The following ACOT6 variants were observed in gnomAD, a reference collection of about 807,000 sequenced individuals.
ACOT6 encodes acyl-coenzyme A thioesterase 6.
Under a neutral mutation model 12.3 loss-of-function variants are expected in ACOT6, and 14 were observed. That is an observed-to-expected ratio of 1.14 (90% CI 0.75 to 1.78). The LOEUF is 1.78. ACOT6 is among the 40% of genes most tolerant of loss of function. The pLI, the probability that ACOT6 is intolerant of heterozygous loss-of-function variation, is 0.00. For synonymous variants in ACOT6, 218 were observed against 231.3 expected (o/e 0.94, Z 0.52); for missense variants, 523 against 551.8 (o/e 0.95, Z 0.52).
upstream of ACOT6, among the ~76,000 whole-genome samples, chr14:73,612,297 C>T (rs1890456024): frequency 6.6e-6 from 1 of 152,202 alleles, no homozygotes; most frequent in Non-Finnish European, 1.5e-5. Flanking sequence ...CCACCTCGGC[C>T]TCCCAAAGTT....
At position 73,612,673 on chromosome 14, in the gene ACOT6, G is replaced by A; in HGVS notation, c.102G>A (p.Leu34=). 1.4e-6 allele frequency: 2 copies of A among 1,412,290 alleles called. No homozygotes were observed. The highest frequency in any genetic ancestry group is 1.5e-5 in the South Asian group (1 of 67,356). 87.5% of individuals were successfully genotyped at this position (1,412,290 alleles called of 1,614,324 possible). A position where few individuals can be genotyped will look rare whatever the true frequency, so the allele number is the denominator to read the frequency against. Residue 34 remains leucine (L), a synonymous_variant, in exon 1 of 3, where the codon CTG becomes CTA. Transcript: ENST00000645972. ...RGLAPEQPVT[L]RTSLRDEEGA... is the part of the protein sequence containing the mutation. ...TGGCCCCGGAGCAGCCAGTCACGCT[G>A]CGCACGTCCCTGCGCGACGAAGAGG...
At chr14:73,618,325 A>ATTT in intron 2 of ACOT6, among the ~76,000 whole-genome samples, 16 of 151,816 alleles carry the variant, frequency 1.1e-4, no homozygotes, top group African/African-American at 3.2e-4. Flanking sequence ...GGCACCCCAG[A>ATTT]ATTCTCTGCC....
At chr14:73,615,665 G>A (rs563563746) in intron 1 of ACOT6, among the ~76,000 whole-genome samples, 16 of 152,008 alleles carry the variant, frequency 1.1e-4, no homozygotes, top group African/African-American at 3.6e-4. Context: ...GGGGGGAGAC[G>A]GAGGTTGCAG....
At chr14:73,613,938 C>G (rs1383869071) in intron 1 of ACOT6, among the ~76,000 whole-genome samples, 2 of 150,224 alleles carry the variant, frequency 1.3e-5, no homozygotes, top group Admixed American at 6.7e-5. Context: ...GCCTGTAATC[C>G]CAGCACTTTG....
chr14:73,612,962 C>A lies in ACOT6; in HGVS notation c.391C>A (p.Arg131=). 1 of 1,219,014 alleles carries A rather than the reference C, an allele frequency of 8.2e-7. No homozygotes were observed. Among genetic ancestry groups the A allele is most frequent in the Admixed American group, 3.4e-5 (1 of 29,622 alleles). The allele number at this position is 1,219,014 out of a possible 1,614,324, so 75.5% of individuals were successfully genotyped here. The change falls in exon 1 of 3, where the codon CGG becomes AGG. Residue 131 remains arginine, a synonymous_variant. Transcript: ENST00000645972. The part of the protein sequence containing the change: ...CLAQNKRDFL[R]PGVRREPVRA... ...GGCGCAGAACAAGCGCGACTTTCTC[C>A]GGCCGGGGGTGCGGCGCGAGCCGGT...
rs1347660106 is a variant in ACOT6, at chr14:73,619,828, A to G, written c.1255A>G (p.Ser419Gly). The G allele has an allele frequency of 1.3e-6, 2 of 1,598,480 alleles. No individual in the cohort carries two copies. Among genetic ancestry groups the G allele is most frequent in the Non-Finnish European group, 1.7e-6 (2 of 1,174,944 alleles). ...HLNGKKSVKHSKI is the reference protein window; with the variant it reads ...HLNGKKSVKHGKI ...CAATGGTAAAAAATCTGTCAAGCAC[A>G]GCAAAATATAACATTGTAGCCACAG... The change falls in exon 3 of 3, where the codon AGC becomes GGC. Residue 419 changes from serine (S) to glycine (G), a missense_variant. Ser to Gly is a moderately conservative substitution (Grantham distance 56). Around this residue, in one of 2 missense-constraint regions of ACOT6, gnomAD observed 219 missense variants for 277.0 expected, o/e 0.79. Coordinates refer to ENST00000645972, the MANE Select transcript of ACOT6 (RefSeq NM_001365788.1).
intron 1 of ACOT6, among the ~76,000 whole-genome samples, chr14:73,613,666 G>T (rs1243462274): frequency 3.3e-5 from 5 of 152,188 alleles, no homozygotes; most frequent in Admixed American, 2.0e-4. Flanking sequence ...TCTGAAGGGA[G>T]AGGTGCTATT....
chr14:73,619,626 G>C lies in ACOT6; in HGVS notation c.1053G>C (p.Gln351His). ...AAGCTCATGGGAAAGAAAGACCCCA[G>C]ATAATCTGTTACCCAGAAACTGGTC... ...RLQAHGKERP[Q>H]IICYPETGHC... is the part of the protein sequence containing the mutation. The change falls in exon 3 of 3, where the codon CAG (glutamine) becomes CAC (histidine). Residue 351 changes from glutamine (Q) to histidine (H), a missense_variant. Transcript: ENST00000645972. 1 of 1,614,174 alleles carries C rather than the reference G, an allele frequency of 6.2e-7. No individual in the cohort carries two copies. The highest frequency in any genetic ancestry group is 8.5e-7 in the Non-Finnish European group (1 of 1,180,046).
Position 73,616,984 on chromosome 14 carries a change from C to G in ACOT6, c.462-10C>G, listed in dbSNP as rs1452127769. The stretch of plus-strand genomic sequence containing the variant: ...AAAGCTCCCTGTGATTTGTGATGTT[C>G]TCCAGGCAGGGGGCCCTTTCCTGGG... On this transcript the variant is annotated splice_polypyrimidine_tract_variant and intron_variant, in intron 1 of 2. Transcript: ENST00000645972. The G allele has an allele frequency of 1.5e-6, 1 of 672,794 alleles. No homozygotes were observed. The highest frequency in any genetic ancestry group is 2.6e-6 in the Non-Finnish European group (1 of 379,178). The allele number at this position is 672,794 out of a possible 1,614,324, so 41.7% of individuals were successfully genotyped here. A position where few individuals can be genotyped will look rare whatever the true frequency, so the allele number is the denominator to read the frequency against.
At chr14:73,617,925 A>C (rs1231196854) in intron 2 of ACOT6, among the ~76,000 whole-genome samples, 1 of 151,930 alleles carries the variant, frequency 6.6e-6, no homozygotes, top group Non-Finnish European at 1.5e-5. Flanking sequence ...CGGGCAGATC[A>C]CCTGAGGTCA....
chr14:73,613,072 C>A, intron 1 of ACOT6, 40 bp downstream of exon 1: 1 of 581,480 alleles, frequency 1.7e-6, no homozygotes, highest in Non-Finnish European at 2.8e-6. Context: ...GCGACCCCCA[C>A]CGGCCCCTTT....
chr14:73,611,281 G>A (rs866594085), upstream of ACOT6, among the ~76,000 whole-genome samples: 3 of 152,104 alleles, frequency 2.0e-5, no homozygotes, highest in Admixed American at 6.6e-5. Context: ...CCAAAGAGAG[G>A]CATTAGCAAG....
Position 73,617,165 on chromosome 14 carries a change from C to T in ACOT6, c.633C>T (p.Ala211=), listed in dbSNP as rs748388108. 6.2e-6 allele frequency: 10 copies of T among 1,614,018 alleles called. No individual in the cohort carries two copies. Among genetic ancestry groups the T allele is most frequent in the East Asian group, 2.2e-5 (1 of 44,890 alleles). The part of the protein sequence containing the change: ...NDVHLEYFEE[A]VDFMLQHPKV... ...TACATCTGGAGTACTTTGAAGAAGC[C>T]GTGGACTTTATGCTGCAGCATCCAA... Residue 211 remains alanine (A), a synonymous_variant, in exon 2 of 3, where the codon GCC becomes GCT. Transcript: ENST00000645972.
rs780041630 is a variant in ACOT6 at position 73,619,643 on chromosome 14, A to G, written c.1070A>G (p.Glu357Gly). The G allele has an allele frequency of 6.2e-7, 1 of 1,614,224 alleles. No homozygotes were observed. The highest frequency in any genetic ancestry group is 8.5e-7 in the Non-Finnish European group (1 of 1,180,032). ...AGACCCCAGATAATCTGTTACCCAG[A>G]AACTGGTCACTGTATTGACCCACCT... ...KERPQIICYPETGHCIDPPYF... is the reference protein window; with the variant it reads ...KERPQIICYPGTGHCIDPPYF... Residue 357 changes from glutamate to glycine, a missense_variant, in exon 3 of 3, where the codon GAA becomes GGA. Physicochemically the swap from Glu to Gly is moderately conservative, Grantham distance 98. Coordinates refer to ENST00000645972, the MANE Select transcript of ACOT6 (RefSeq NM_001365788.1).
upstream of ACOT6, chr14:73,612,502 C>T (rs1890459370): frequency 1.9e-6 from 2 of 1,067,520 alleles, no homozygotes; most frequent in Non-Finnish European, 2.5e-6. Flanking sequence ...CTTTCCAGCG[C>T]TCGGCAAAGC....
chr14:73,615,048 C>T (rs1007072318), intron 1 of ACOT6, among the ~76,000 whole-genome samples: 5 of 140,294 alleles, frequency 3.6e-5, no homozygotes, highest in African/African-American at 5.4e-5. Context: ...AAGATCGCAC[C>T]GTTGCACTCC....
Position 73,619,799 on chromosome 14 carries a change from A to G in ACOT6, c.1226A>G (p.His409Arg). 3 of 1,609,728 alleles carry G rather than the reference A, an allele frequency of 1.9e-6. No individual in the cohort carries two copies. Among genetic ancestry groups the G allele is most frequent in the Non-Finnish European group, 1.7e-6 (2 of 1,178,752 alleles). ...CAAATTCAAACTTTCTTCCATAAAC[A>G]TCTCAATGGTAAAAAATCTGTCAAG... ...WQQIQTFFHKHLNGKKSVKHS... is the reference protein window; with the variant it reads ...WQQIQTFFHKRLNGKKSVKHS... Residue 409 changes from histidine (H) to arginine (R), a missense_variant, in exon 3 of 3, where the codon CAT (histidine) becomes CGT (arginine). Coordinates refer to ENST00000645972, the MANE Select transcript of ACOT6 (RefSeq NM_001365788.1).
chr14:73,611,977 C>T (rs914945813), upstream of ACOT6, among the ~76,000 whole-genome samples: 6 of 152,040 alleles, frequency 3.9e-5, no homozygotes, highest in Non-Finnish European at 8.8e-5. Context: ...AATCCTTTAG[C>T]TCTCAGTGGT....
chr14:73,611,224 C>T (rs1360811975), upstream of ACOT6, among the ~76,000 whole-genome samples: 1 of 152,152 alleles, frequency 6.6e-6, no homozygotes, highest in Admixed American at 6.5e-5. Flanking sequence ...CTTCCTTCTC[C>T]ACCCTGCTAT....
Sources: gnomAD v4.1 joint callset for allele counts (sites outside exome capture counted in the v4.1 genomes callset) on GRCh38, gnomAD v4.1.1 for gene constraint, gnomAD v4.1.1 regional missense constraint, MANE v1.5 for transcripts, NCBI Gene and HGNC (gene_info 2026-07-23, HGNC 2026-07-21) for gene names.